The following GRM5 variants were observed in gnomAD, a reference collection of about 807,000 sequenced individuals.
GRM5 encodes the protein metabotropic glutamate receptor 5.
In GRM5, 19 loss-of-function variants were observed where a neutral mutation model predicts 83.1. The observed-to-expected ratio is 0.23, with a 90% confidence interval of 0.16 to 0.34. GRM5 has a LOEUF of 0.34. Among genes scored for constraint, GRM5 ranks in the 10% least tolerant of loss-of-function variants. The probability of loss-of-function intolerance (pLI) is 1.00; values close to 1 mark genes in which losing one functional copy is unlikely to be tolerated. For missense variants in GRM5, 1,160 were observed against 1,588.3 expected (o/e 0.73, Z 4.58); for synonymous variants, 675 against 633.6 (o/e 1.07, Z -0.98).
At chr11:88,966,159 G>C (rs552516265) in intron 2 of GRM5, among the ~76,000 whole-genome samples, 1 of 152,114 alleles carries the variant, frequency 6.6e-6, no homozygotes, top group African/African-American at 2.4e-5. Context: ...AGAGGTCAAA[G>C]AAGTCTCAAG....
chr11:89,040,010 A>G (rs1329583111), intron 2 of GRM5, among the ~76,000 whole-genome samples: 1 of 151,954 alleles, frequency 6.6e-6, no homozygotes, highest in Non-Finnish European at 1.5e-5. Context: ...GAGCCTTATT[A>G]TGTTGCCCAC....
chr11:88,805,594 CA>C (rs1943485909), intron 3 of GRM5, among the ~76,000 whole-genome samples: 1 of 152,064 alleles, frequency 6.6e-6, no homozygotes, highest in African/African-American at 2.4e-5. Flanking sequence ...TAATACAAAG[CA>C]AAAAGAAATT....
At chr11:88,524,218 T>C (rs2387166) in intron 9 of GRM5, among the ~76,000 whole-genome samples, 505 of 39,492 alleles carry the variant, frequency 0.013, no homozygotes, top group Non-Finnish European at 0.019. Flanking sequence ...TTCTTTCTTT[T>C]TTTTTTTTTT....
chr11:88,628,029 T>C (rs773551858), intron 4 of GRM5, among the ~76,000 whole-genome samples: 3 of 152,182 alleles, frequency 2.0e-5, no homozygotes, highest in African/African-American at 4.8e-5. Context: ...ATGTATTTTC[T>C]CAACTCCATT....
chr11:88,798,821 A>AAAAAAC (rs1943334020), intron 3 of GRM5, among the ~76,000 whole-genome samples: 1 of 73,170 alleles, frequency 1.4e-5, no homozygotes, highest in African/African-American at 6.0e-5. Context: ...AAAAAAAAAA[A>AAAAAAC]AAAAAACAAC....
chr11:88,839,150 C>T (rs1944147951), intron 3 of GRM5, among the ~76,000 whole-genome samples: 1 of 152,110 alleles, frequency 6.6e-6, no homozygotes, highest in Non-Finnish European at 1.5e-5. Context: ...ATCACCTATC[C>T]TACCTGGATA....
intron 3 of GRM5, among the ~76,000 whole-genome samples, chr11:88,824,086 T>A (rs1486702534): frequency 6.6e-6 from 1 of 152,230 alleles, no homozygotes; most frequent in African/African-American, 2.4e-5. Flanking sequence ...TTGTCCATTT[T>A]AAAATTTGTG....
At chr11:88,982,720 G>A (rs1939568713) in intron 2 of GRM5, among the ~76,000 whole-genome samples, 1 of 152,044 alleles carries the variant, frequency 6.6e-6, no homozygotes, top group Non-Finnish European at 1.5e-5. Context: ...AAATTATAGA[G>A]GAATATTAAT....
intron 3 of GRM5, among the ~76,000 whole-genome samples, chr11:88,692,261 C>T (rs1391840850): frequency 6.6e-6 from 1 of 152,114 alleles, no homozygotes; most frequent in Non-Finnish European, 1.5e-5. Context: ...ATTGTGGGCT[C>T]CTTAAAGGCA....
At chr11:88,699,764 T>TA (rs1940985495) in intron 3 of GRM5, among the ~76,000 whole-genome samples, 1 of 152,156 alleles carries the variant, frequency 6.6e-6, no homozygotes, top group Admixed American at 6.5e-5. Flanking sequence ...TGTCCAGGTC[T>TA]AATGCCATTC....
At chr11:88,939,029 T>A (rs988105616) in intron 2 of GRM5, among the ~76,000 whole-genome samples, 2 of 151,776 alleles carry the variant, frequency 1.3e-5, no homozygotes, top group African/African-American at 4.8e-5. Context: ...AAATTCACAA[T>A]TGCTCTATTT....
At chr11:88,952,996 T>C (rs561940) in intron 2 of GRM5, among the ~76,000 whole-genome samples, 73,287 of 151,960 alleles carry the variant, frequency 0.48, 20,095 homozygotes, top group South Asian at 0.7. Flanking sequence ...CTAAACTTTC[T>C]ATAATGTTAA....
intron 3 of GRM5, among the ~76,000 whole-genome samples, chr11:88,792,691 C>A (rs1368232353): frequency 2.0e-5 from 3 of 152,054 alleles, no homozygotes; most frequent in Non-Finnish European, 4.4e-5. Flanking sequence ...TCCCACCCAA[C>A]ATACTGAGGT....
intron 1 of GRM5, 108 bp from the exon 2 acceptor site, chr11:89,048,180 C>T (rs746761838): frequency 2.3e-5 from 6 of 258,512 alleles, no homozygotes; most frequent in South Asian, 7.9e-5. Flanking sequence ...ATGCAGATAA[C>T]GAAGAAAAAA....
At chr11:88,734,741 CA>C (rs1209631874) in intron 3 of GRM5, among the ~76,000 whole-genome samples, 1 of 151,982 alleles carries the variant, frequency 6.6e-6, no homozygotes, top group Non-Finnish European at 1.5e-5. Context: ...TTCTGTGTAT[CA>C]TTTTTCTTCA....
intron 3 of GRM5, among the ~76,000 whole-genome samples, chr11:88,704,500 A>G (rs1213298477): frequency 6.6e-6 from 1 of 151,458 alleles, no homozygotes; most frequent in African/African-American, 2.4e-5. Flanking sequence ...CATTTCTGCC[A>G]GAAAAATAAG....
At chr11:88,872,574 T>A (rs1944788087) in intron 2 of GRM5, among the ~76,000 whole-genome samples, 4 of 151,396 alleles carry the variant, frequency 2.6e-5, no homozygotes, top group Admixed American at 6.6e-5. Flanking sequence ...AAGGAAGGGA[T>A]GAAAAATATA....
At chr11:88,870,292 G>A (rs961821491) in intron 2 of GRM5, among the ~76,000 whole-genome samples, 6 of 151,520 alleles carry the variant, frequency 4.0e-5, no homozygotes, top group African/African-American at 1.2e-4. Flanking sequence ...ACTAGGCAAT[G>A]CAGATAGTTT....
intron 2 of GRM5, among the ~76,000 whole-genome samples, chr11:89,008,214 T>C (rs995677219): frequency 2.0e-5 from 3 of 152,152 alleles, no homozygotes; most frequent in African/African-American, 7.2e-5. Flanking sequence ...TCGTATGCAG[T>C]GCTGACATGT....
Sources: gnomAD v4.1 joint callset for allele counts (sites outside exome capture counted in the v4.1 genomes callset) on GRCh38, gnomAD v4.1.1 for gene constraint, MANE v1.5 for transcripts, NCBI Gene and HGNC (gene_info 2026-07-23, HGNC 2026-07-21) for gene names.